GSDMC: variants seen among roughly 807,000 people sequenced by gnomAD.
GSDMC encodes gasdermin-C.
In GSDMC, 59 loss-of-function variants were observed where a neutral mutation model predicts 58.0. That is an observed-to-expected ratio of 1.02 (90% CI 0.82 to 1.26). GSDMC has a LOEUF of 1.26. GSDMC is among the 50% of genes most tolerant of loss of function. The pLI is 0.00. For missense variants in GSDMC, 659 were observed against 598.5 expected (o/e 1.10, Z -1.06); for synonymous variants, 241 against 220.2 (o/e 1.09, Z -0.83).
At chr8:129,705,928 C>A in the GSDMC span, among the ~76,000 whole-genome samples, 2 of 152,086 alleles carry the variant, frequency 1.3e-5, no homozygotes, top group African/African-American at 2.4e-5. Context: ...TTTATTGGTT[C>A]TACTTGGTTG....
the GSDMC span, among the ~76,000 whole-genome samples, chr8:129,710,669 G>A: frequency 6.6e-6 from 1 of 152,184 alleles, no homozygotes; most frequent in African/African-American, 2.4e-5. Flanking sequence ...GGCATACTGA[G>A]TCATGATGAA....
chr8:129,741,352 TG>T, the GSDMC span, among the ~76,000 whole-genome samples: 1 of 152,150 alleles, frequency 6.6e-6, no homozygotes. Context: ...TATATGAATT[TG>T]GGGGTTTTTT....
chr8:129,752,761 A>T lies in GSDMC; in HGVS notation c.781T>A (p.Ser261Thr). The change falls in exon 7 of 14, where the codon TCA (serine) becomes ACA (threonine). Residue 261 changes from serine (S) to threonine (T), a missense_variant. Coordinates refer to ENST00000276708, the MANE Select transcript of GSDMC (RefSeq NM_031415.3). ...AGGGTTGGAGAGATGGTATGAAATGATGGTAGCAACCCCTCACTCCTCGCA... is the reference window on the plus strand; with the variant it reads ...AGGGTTGGAGAGATGGTATGAAATGTTGGTAGCAACCCCTCACTCCTCGCA... ...CAARSEGLLP[S>T]FHTISPTLFN... The T allele has an allele frequency of 6.2e-7, 1 of 1,614,220 alleles. No individual in the cohort carries two copies. Among genetic ancestry groups the T allele is most frequent in the Non-Finnish European group, 8.5e-7 (1 of 1,180,026 alleles).
At chr8:129,730,097 T>G in the GSDMC span, 1 of 999,970 alleles carries the variant, frequency 1.0e-6, no homozygotes, top group Non-Finnish European at 1.5e-6. Flanking sequence ...TTAATTCTTG[T>G]AACACTATTC....
chr8:129,781,541 G>A (rs1489070079), intron 1 of GSDMC, among the ~76,000 whole-genome samples: 1 of 152,044 alleles, frequency 6.6e-6, no homozygotes, highest in Non-Finnish European at 1.5e-5. Context: ...TCAGGAGATC[G>A]AGACCGTCCT....
the GSDMC span, among the ~76,000 whole-genome samples, chr8:129,733,182 A>G: frequency 0.2 from 30,052 of 152,174 alleles, 3,519 homozygotes; most frequent in Middle Eastern, 0.27. Context: ...GGCAGAGCCC[A>G]CCACAGTTCA....
chr8:129,718,460 A>G, the GSDMC span, among the ~76,000 whole-genome samples: 1 of 152,242 alleles, frequency 6.6e-6, no homozygotes, highest in Non-Finnish European at 1.5e-5. Flanking sequence ...AGAGAAATGC[A>G]AATCAAAACC....
Position 129,748,308 on chromosome 8 carries a change from T to C in GSDMC, c.*193A>G. On this transcript the variant is annotated 3_prime_UTR_variant, in exon 14 of 14. Transcript: ENST00000276708. Reference sequence around the variant, plus strand: ...TGACAAATATATAAACTCTTGTCAATATATAAACTCTTGTCAATATATAGA... The same window carrying C: ...TGACAAATATATAAACTCTTGTCAACATATAAACTCTTGTCAATATATAGA... 2.1e-6 allele frequency: 1 copy of C among 479,360 alleles called. No homozygotes were observed. The highest frequency in any genetic ancestry group is 3.6e-6 in the Non-Finnish European group (1 of 274,734). The allele number at this position is 479,360 out of a possible 1,614,324, so 29.7% of individuals were successfully genotyped here.
In GSDMC at chr8:129,750,420, G is replaced by A. The variant is rs771062125; in HGVS notation, c.1083+11C>T. ...CTTTTACCAGACCTATGCAACTGTG[G>A]AGCCCCTCACCATGTTCATCAGGTC... On this transcript the variant is annotated intron_variant, in intron 11 of 13. Coordinates refer to ENST00000276708, the MANE Select transcript of GSDMC (RefSeq NM_031415.3). The A allele has an allele frequency of 6.2e-7, 1 of 1,611,466 alleles. No homozygotes were observed. The highest frequency in any genetic ancestry group is 8.5e-7 in the Non-Finnish European group (1 of 1,179,028).
chr8:129,711,497 G>T, the GSDMC span, among the ~76,000 whole-genome samples: 3 of 152,156 alleles, frequency 2.0e-5, no homozygotes, highest in African/African-American at 7.2e-5. Flanking sequence ...TTCTTGATAA[G>T]CAGATTAATA....
At chr8:129,758,252 C>A (rs1777382600) in intron 6 of GSDMC, among the ~76,000 whole-genome samples, 1 of 152,140 alleles carries the variant, frequency 6.6e-6, no homozygotes, top group Non-Finnish European at 1.5e-5. Context: ...AGAGCCACAG[C>A]TAGTTTCATA....
chr8:129,722,712 G>T, the GSDMC span, among the ~76,000 whole-genome samples: 1 of 152,194 alleles, frequency 6.6e-6, no homozygotes, highest in Non-Finnish European at 1.5e-5. Context: ...ATGAATGAAT[G>T]AATGGTAAAT....
intron 6 of GSDMC, among the ~76,000 whole-genome samples, chr8:129,756,642 A>G (rs186691167): frequency 6.6e-6 from 1 of 152,310 alleles, no homozygotes; most frequent in Admixed American, 6.5e-5. Context: ...TCAATGATAC[A>G]TCATATGTTA....
At chr8:129,708,021 T>G in the GSDMC span, among the ~76,000 whole-genome samples, 1 of 152,224 alleles carries the variant, frequency 6.6e-6, no homozygotes, top group Non-Finnish European at 1.5e-5. Flanking sequence ...GCATCATGAA[T>G]GTCCCAGTGT....
the GSDMC span, among the ~76,000 whole-genome samples, chr8:129,719,402 C>A: frequency 1.2e-4 from 18 of 152,060 alleles, 1 homozygote; most frequent in East Asian, 3.1e-3. Context: ...CAAAAAGAGA[C>A]GTAGAAAAAT....
downstream of GSDMC, among the ~76,000 whole-genome samples, chr8:129,746,919 A>C (rs1339175697): frequency 6.6e-6 from 1 of 152,170 alleles, no homozygotes; most frequent in Non-Finnish European, 1.5e-5. Flanking sequence ...ACAGCCATTC[A>C]AGGAATAAAA....
rs938272606 is a variant in GSDMC at position 129,749,968 on chromosome 8, T to C, written c.1213+22A>G. On this transcript the variant is annotated intron_variant, in intron 12 of 13. Coordinates refer to ENST00000276708, the MANE Select transcript of GSDMC (RefSeq NM_031415.3). ...GGGACCAATCTTGTGATTCTCCCAT[T>C]CTTCCCTTTAATTACTCTTACCCAT... 3 of 1,567,044 alleles carry C rather than the reference T, an allele frequency of 1.9e-6. No homozygotes were observed. The Admixed American group carries it at 6.0e-5, about 31-fold the overall frequency.
chr8:129,752,951 C>T (rs2033274905), intron 6 of GSDMC, 131 bp from the exon 7 acceptor site: 4 of 1,445,006 alleles, frequency 2.8e-6, no homozygotes, highest in South Asian at 1.4e-5. Context: ...TTGAACAAGA[C>T]CCACTCAAAG....
At chr8:129,736,197 C>T in the GSDMC span, among the ~76,000 whole-genome samples, 2 of 152,230 alleles carry the variant, frequency 1.3e-5, no homozygotes, top group South Asian at 2.1e-4. Flanking sequence ...GATTCACAGC[C>T]GAATTCTACC....
Sources: gnomAD v4.1 joint callset for allele counts (sites outside exome capture counted in the v4.1 genomes callset) on GRCh38, gnomAD v4.1.1 for gene constraint, MANE v1.5 for transcripts, NCBI Gene and HGNC (gene_info 2026-07-23, HGNC 2026-07-21) for gene names.